The following METTL15 variants were observed in gnomAD, a reference collection of about 807,000 sequenced individuals.
The protein encoded by METTL15 is methyltransferase 15, mitochondrial 12S rRNA N4-cytidine.
A neutral mutation model predicts 38.3 loss-of-function variants in METTL15; 34 were observed. The ratio of observed to expected loss-of-function variants is 0.89; its 90% confidence interval spans 0.68 to 1.18. The LOEUF (loss-of-function observed/expected upper bound fraction) is 1.18. METTL15 is among the 50% of genes most tolerant of loss of function. METTL15 has a pLI of 0.00. For missense variants in METTL15, 438 were observed against 498.4 expected (o/e 0.88, Z 1.15); for synonymous variants, 162 against 170.9 (o/e 0.95, Z 0.41).
chr11:28,407,377 C>G (rs963362721), intron 5 of METTL15, among the ~76,000 whole-genome samples: 1 of 152,094 alleles, frequency 6.6e-6, no homozygotes, highest in African/African-American at 2.4e-5. Flanking sequence ...GAATGGACAA[C>G]CTGTGGAATG....
chr11:28,217,582 T>G (rs1259961632), intron 4 of METTL15, among the ~76,000 whole-genome samples: 1 of 152,196 alleles, frequency 6.6e-6, no homozygotes, highest in African/African-American at 2.4e-5. Context: ...ATTTGTCAAT[T>G]TTGGCTTTTG....
At chr11:28,474,174 T>C (rs1851325947) in intron 6 of METTL15, among the ~76,000 whole-genome samples, 1 of 151,428 alleles carries the variant, frequency 6.6e-6, no homozygotes, top group Non-Finnish European at 1.5e-5. Context: ...AAATCTATCC[T>C]TAATAACAGA....
chr11:28,379,683 T>C (rs1470783044), intron 5 of METTL15, among the ~76,000 whole-genome samples: 1 of 152,216 alleles, frequency 6.6e-6, no homozygotes, highest in East Asian at 1.9e-4. Flanking sequence ...GTGATTCTAT[T>C]GCAGTTGGGT....
chr11:28,287,447 T>C, intron 4 of METTL15: 4 of 429,040 alleles, frequency 9.3e-6, no homozygotes, highest in South Asian at 7.0e-5. Flanking sequence ...TTCACAACAA[T>C]TTTCCTAGCA....
At chr11:28,430,390 G>A (rs1159342345) in intron 6 of METTL15, among the ~76,000 whole-genome samples, 2 of 65,648 alleles carry the variant, frequency 3.0e-5, no homozygotes, top group Admixed American at 1.4e-4. Flanking sequence ...TCAGCCCCCC[G>A]CCCGGCCAGC....
chr11:28,307,618 C>T (rs1857127694), intron 6 of METTL15, among the ~76,000 whole-genome samples: 1 of 151,880 alleles, frequency 6.6e-6, no homozygotes, highest in African/African-American at 2.4e-5. Context: ...CTAAATATGC[C>T]ATAAAATACA....
At chr11:28,181,589 A>G (rs1851290483) in intron 3 of METTL15, among the ~76,000 whole-genome samples, 2 of 89,122 alleles carry the variant, frequency 2.2e-5, no homozygotes, top group Admixed American at 3.1e-4. Context: ...ACATAAACTC[A>G]TCATTTTTTA....
At chr11:28,302,429 C>G (rs1856944037) in intron 6 of METTL15, among the ~76,000 whole-genome samples, 1 of 152,064 alleles carries the variant, frequency 6.6e-6, no homozygotes, top group African/African-American at 2.4e-5. Context: ...CGCATAATTC[C>G]CATGTGTTGT....
At chr11:28,407,050 C>T (rs1188001318) in intron 5 of METTL15, among the ~76,000 whole-genome samples, 2 of 151,956 alleles carry the variant, frequency 1.3e-5, no homozygotes, top group African/African-American at 2.4e-5. Flanking sequence ...CAATCGTGGT[C>T]GATAAGCTTT....
chr11:28,319,946 C>A lies in METTL15; in HGVS notation c.779-10450C>A, dbSNP rs965624104. On this transcript the variant is annotated intron_variant, in intron 6 of 6. Transcript: ENST00000407364. Reference sequence around the variant, plus strand: ...TGCTGTGCGATACAGAGTCAATGTTCTTCTGTCTTTCTTCTTCACTCTCAT... The same window carrying A: ...TGCTGTGCGATACAGAGTCAATGTTATTCTGTCTTTCTTCTTCACTCTCAT... Among the ~76,000 whole-genome samples the A allele has an allele frequency of 8.5e-5, 13 of 152,152 alleles. 1 individual carries two copies. Among genetic ancestry groups the A allele is most frequent in the Non-Finnish European group, 1.8e-4 (12 of 68,018 alleles).
intron 5 of METTL15, among the ~76,000 whole-genome samples, chr11:28,408,273 A>C (rs1850692139): frequency 6.6e-6 from 1 of 152,196 alleles, no homozygotes; most frequent in Non-Finnish European, 1.5e-5. Flanking sequence ...TTACCTAAGT[A>C]ACAAACCTGC....
intron 3 of METTL15, among the ~76,000 whole-genome samples, chr11:28,173,202 T>G (rs1850923369): frequency 6.6e-6 from 1 of 152,156 alleles, no homozygotes; most frequent in Non-Finnish European, 1.5e-5. Flanking sequence ...AATATTTGTG[T>G]TCCCCACAAA....
At chr11:28,430,621 C>T (rs867838890) in intron 6 of METTL15, among the ~76,000 whole-genome samples, 1,212 of 47,672 alleles carry the variant, frequency 0.025, 106 homozygotes, top group African/African-American at 0.063. Context: ...CTCCGCCCGG[C>T]CAGCCACCCC....
At chr11:28,486,256 A>C (rs765244618) in intron 6 of METTL15, among the ~76,000 whole-genome samples, 6 of 152,126 alleles carry the variant, frequency 3.9e-5, no homozygotes, top group Non-Finnish European at 7.4e-5. Context: ...ATCTTAGGCC[A>C]CTTCACTCAT....
intron 5 of METTL15, among the ~76,000 whole-genome samples, chr11:28,375,060 C>A (rs977215550): frequency 6.7e-6 from 1 of 149,846 alleles, no homozygotes; most frequent in African/African-American, 2.5e-5. Context: ...CTGCTGGATT[C>A]GTTTTGCCAG....
chr11:28,474,590 A>G (rs993623637), intron 6 of METTL15, among the ~76,000 whole-genome samples: 3 of 152,186 alleles, frequency 2.0e-5, no homozygotes, highest in Non-Finnish European at 4.4e-5. Flanking sequence ...GTTACTAAGA[A>G]ATGAAACTGA....
intron 3 of METTL15, among the ~76,000 whole-genome samples, chr11:28,196,511 T>C (rs1373314642): frequency 4.6e-5 from 7 of 152,000 alleles, no homozygotes; most frequent in African/African-American, 1.7e-4. Flanking sequence ...AGCTTATTGA[T>C]GTACAGCAGT....
intron 4 of METTL15, among the ~76,000 whole-genome samples, chr11:28,257,277 G>T (rs1855011209): frequency 6.6e-6 from 1 of 152,104 alleles, no homozygotes; most frequent in Non-Finnish European, 1.5e-5. Context: ...TCCATTGTAT[G>T]TTTTTTGCTT....
chr11:28,403,200 G>A (rs1388143759), intron 5 of METTL15, among the ~76,000 whole-genome samples: 2 of 151,904 alleles, frequency 1.3e-5, no homozygotes, highest in African/African-American at 4.8e-5. Context: ...ACTAGCTTGG[G>A]TGTTCTTTAA....
Sources: gnomAD v4.1 joint callset for allele counts (sites outside exome capture counted in the v4.1 genomes callset) on GRCh38, gnomAD v4.1.1 for gene constraint, MANE v1.5 for transcripts, NCBI Gene and HGNC (gene_info 2026-07-23, HGNC 2026-07-21) for gene names.